The following SKAP2 variants were observed in gnomAD, a reference collection of about 807,000 sequenced individuals.
SKAP2 encodes src kinase-associated phosphoprotein 2.
A neutral mutation model predicts 54.9 loss-of-function variants in SKAP2; 28 were observed. That is an observed-to-expected ratio of 0.51 (90% CI 0.38 to 0.70). The LOEUF is 0.70. Among genes scored for constraint, SKAP2 ranks in the 30% least tolerant of loss-of-function variants. The pLI is 0.00. For missense variants in SKAP2, 356 were observed against 424.1 expected (o/e 0.84, Z 1.41); for synonymous variants, 137 against 134.3 (o/e 1.02, Z -0.14).
chr7:26,691,338 G>A (rs1260769903), intron 9 of SKAP2, among the ~76,000 whole-genome samples: 2 of 151,952 alleles, frequency 1.3e-5, no homozygotes, highest in Non-Finnish European at 2.9e-5. Context: ...CTCACCTAAG[G>A]ATTTGCATAC....
chr7:26,848,868 G>C (rs1296383026), intron 3 of SKAP2, among the ~76,000 whole-genome samples: 1 of 152,128 alleles, frequency 6.6e-6, no homozygotes, highest in African/African-American at 2.4e-5. Flanking sequence ...CAATAGGAGG[G>C]CATGCAAATA....
rs1447190918 is a variant in SKAP2, at chr7:26,804,664, G to A, written c.307+39366C>T. On this transcript the variant is annotated intron_variant, in intron 4 of 12. Transcript: ENST00000345317. ...TGAGGCAGGAGAATCACTTGAACCC[G>A]GGAGGCGGAGGTTGCAGTGAGCCGA... Among the ~76,000 whole-genome samples, 6 of 151,420 alleles carry A rather than the reference G, an allele frequency of 4.0e-5. No individual in the cohort carries two copies. The South Asian group carries it at 8.3e-4, about 21-fold the overall frequency.
intron 4 of SKAP2, among the ~76,000 whole-genome samples, chr7:26,763,451 T>C (rs1462472041): frequency 6.6e-6 from 1 of 152,156 alleles, no homozygotes; most frequent in African/African-American, 2.4e-5. Flanking sequence ...AATCTATCCA[T>C]CCCTGATGAT....
At chr7:26,820,043 C>A (rs892013145) in intron 4 of SKAP2, among the ~76,000 whole-genome samples, 6 of 151,924 alleles carry the variant, frequency 3.9e-5, no homozygotes, top group Admixed American at 6.6e-5. Context: ...ATAAGCCTGG[C>A]GCACTGGCAC....
At chr7:26,709,512 G>A (rs1414260808) in intron 9 of SKAP2, among the ~76,000 whole-genome samples, 1 of 152,138 alleles carries the variant, frequency 6.6e-6, no homozygotes, top group Non-Finnish European at 1.5e-5. Context: ...GTAATTGCCT[G>A]AAAGATAATG....
At position 26,731,447 on chromosome 7, in the gene SKAP2, G is replaced by A. The variant is rs117978192; in HGVS notation, c.470-4441C>T. 4.2e-4 allele frequency among the ~76,000 whole-genome samples: 64 copies of A among 152,232 alleles called. No individual in the cohort carries two copies. In the East Asian group the frequency reaches 6.6e-3, roughly 16 times the overall value. Reference sequence around the variant, plus strand: ...CCTATCTCTTAAAAAGCTATGATGCGTTGTTCTAAGTCTTGCTCTCTTCTT... The same window carrying A: ...CCTATCTCTTAAAAAGCTATGATGCATTGTTCTAAGTCTTGCTCTCTTCTT... On this transcript the variant is annotated intron_variant, in intron 6 of 12. Transcript: ENST00000345317.
rs924911955 is a variant in SKAP2, at chr7:26,739,929, G to T, written c.343C>A (p.Pro115Thr). Residue 115 changes from proline to threonine, a missense_variant, in exon 5 of 13, where the codon CCT becomes ACT. By Grantham distance (38) the Pro-to-Thr change is conservative. Coordinates refer to ENST00000345317, the MANE Select transcript of SKAP2 (RefSeq NM_003930.5). ...QFPPIAAQDL[P>T]FVLKAGYLEK... Reference sequence around the variant, plus strand: ...AGGTAGCCAGCCTTTAGAACAAAAGGAAGGTCTTGTGCTGCAATTGGAGGA... The same window carrying T: ...AGGTAGCCAGCCTTTAGAACAAAAGTAAGGTCTTGTGCTGCAATTGGAGGA... The T allele has an allele frequency of 6.2e-7, 1 of 1,611,876 alleles. No homozygotes were observed. The highest frequency in any genetic ancestry group is 1.3e-5 in the African/African-American group (1 of 74,662).
the SKAP2 span, among the ~76,000 whole-genome samples, chr7:26,658,548 ACTGTC>A: frequency 6.6e-6 from 1 of 152,018 alleles, no homozygotes; most frequent in Non-Finnish European, 1.5e-5. Context: ...CAAATACCTC[ACTGTC>A]ATCTGATTGT....
intron 4 of SKAP2, among the ~76,000 whole-genome samples, chr7:26,744,502 G>A (rs1782518600): frequency 6.6e-6 from 1 of 152,120 alleles, no homozygotes; most frequent in Non-Finnish European, 1.5e-5. Flanking sequence ...CCTTGAGTAG[G>A]CAAGGGAATG....
intron 4 of SKAP2, among the ~76,000 whole-genome samples, chr7:26,753,301 A>G (rs1782724097): frequency 6.6e-6 from 1 of 152,170 alleles, no homozygotes; most frequent in African/African-American, 2.4e-5. Context: ...GTGTTCTGAA[A>G]TTTGAGTGCA....
At chr7:26,775,806 C>T (rs547394846) in intron 4 of SKAP2, among the ~76,000 whole-genome samples, 1 of 152,260 alleles carries the variant, frequency 6.6e-6, no homozygotes, top group Non-Finnish European at 1.5e-5. Flanking sequence ...TAGGGATTGA[C>T]TTTTCTTCAC....
intron 4 of SKAP2, among the ~76,000 whole-genome samples, chr7:26,790,728 C>A (rs1287547289): frequency 1.3e-5 from 2 of 152,108 alleles, no homozygotes; most frequent in Non-Finnish European, 2.9e-5. Flanking sequence ...AGATTCTAAA[C>A]AAATATTTGG....
chr7:26,756,607 C>G (rs1188207425), intron 4 of SKAP2, among the ~76,000 whole-genome samples: 1 of 152,142 alleles, frequency 6.6e-6, no homozygotes, highest in African/African-American at 2.4e-5. Flanking sequence ...GGTTCCAAGT[C>G]TTTGCTATTG....
At chr7:26,683,537 G>GAAGA (rs1305660808) in intron 11 of SKAP2, among the ~76,000 whole-genome samples, 1 of 141,200 alleles carries the variant, frequency 7.1e-6, no homozygotes, top group African/African-American at 3.1e-5. Context: ...TGGATGGATG[G>GAAGA]AAGGAAGGAA....
chr7:26,777,105 A>C (rs1012237086), intron 4 of SKAP2, among the ~76,000 whole-genome samples: 17 of 152,178 alleles, frequency 1.1e-4, no homozygotes, highest in African/African-American at 3.6e-4. Flanking sequence ...CAGAGGAAAA[A>C]ATGTTAAATG....
Position 26,670,158 on chromosome 7 carries a change from A to G in SKAP2, c.1022T>C (p.Met341Thr). Residue 341 changes from methionine to threonine, a missense_variant, in exon 12 of 13, where the codon ATG (methionine) becomes ACG (threonine). Met to Thr is a moderately conservative substitution (Grantham distance 81, BLOSUM62 -1). Transcript: ENST00000345317. ...AGGCACCAAGCCAATGGCTCCCTTC[A>G]TTTCTCCTACCCACCAGCCATATCT... is the stretch of plus-strand genomic sequence containing the variant. ...YNRYGWWVGE[M>T]KGAIGLVPKA... 2 of 1,581,036 alleles carry G rather than the reference A, an allele frequency of 1.3e-6. No individual in the cohort carries two copies. The highest frequency in any genetic ancestry group is 1.7e-6 in the Non-Finnish European group (2 of 1,150,310).
intron 9 of SKAP2, among the ~76,000 whole-genome samples, chr7:26,721,819 G>A (rs1787584288): frequency 6.6e-6 from 1 of 152,160 alleles, no homozygotes; most frequent in South Asian, 2.1e-4. Flanking sequence ...GTGAATAGAA[G>A]AGAAGAGCAA....
In SKAP2 at chr7:26,808,179, G is replaced by T. The variant is rs183753973; in HGVS notation, c.307+35851C>A. 8.3e-4 allele frequency among the ~76,000 whole-genome samples: 126 copies of T among 152,202 alleles called. 2 individuals are homozygous for T. The highest frequency in any genetic ancestry group is 6.8e-3 in the Middle Eastern group (2 of 292). ...GGCTGTGGTCAAAAGTGTAGGCTCT[G>T]CAGTATTCATAATAACCAAAAGATG... is the stretch of plus-strand genomic sequence containing the variant. On this transcript the variant is annotated intron_variant, in intron 4 of 12. Coordinates refer to ENST00000345317, the MANE Select transcript of SKAP2 (RefSeq NM_003930.5).
intron 3 of SKAP2, among the ~76,000 whole-genome samples, chr7:26,852,888 G>A (rs919339860): frequency 6.6e-6 from 1 of 151,950 alleles, no homozygotes; most frequent in Non-Finnish European, 1.5e-5. Context: ...CTTCCATAAA[G>A]TATACTACAT....
Sources: gnomAD v4.1 joint callset for allele counts (sites outside exome capture counted in the v4.1 genomes callset) on GRCh38, gnomAD v4.1.1 for gene constraint, MANE v1.5 for transcripts, NCBI Gene and HGNC (gene_info 2026-07-23, HGNC 2026-07-21) for gene names.